The following PDE10A variants were observed in gnomAD, a reference collection of about 807,000 sequenced individuals.
PDE10A encodes the protein phosphodiesterase 10A.
Under a neutral mutation model 97.7 loss-of-function variants are expected in PDE10A, and 39 were observed. The observed-to-expected ratio is 0.40, with a 90% confidence interval of 0.31 to 0.52. The LOEUF (loss-of-function observed/expected upper bound fraction) is 0.52. Among genes scored for constraint, PDE10A ranks in the 20% least tolerant of loss-of-function variants. The probability of loss-of-function intolerance (pLI) is 0.56; values close to 1 mark genes in which losing one functional copy is unlikely to be tolerated. For synonymous variants in PDE10A, 371 were observed against 376.8 expected (o/e 0.98, Z 0.18); for missense variants, 731 against 1,047.8 (o/e 0.70, Z 4.17).
At chr6:165,635,416 C>T (rs945755697) in intron 1 of PDE10A, among the ~76,000 whole-genome samples, 2 of 152,170 alleles carry the variant, frequency 1.3e-5, no homozygotes, top group African/African-American at 4.8e-5. Flanking sequence ...AGTCTTGGCA[C>T]AGGCAAAATG....
intron 1 of PDE10A, among the ~76,000 whole-genome samples, chr6:165,569,206 T>A (rs1291310034): frequency 2.6e-5 from 4 of 152,208 alleles, no homozygotes; most frequent in African/African-American, 9.6e-5. Context: ...TGTGTCATCT[T>A]TACTTCACGT....
chr6:165,481,735 A>C (rs1354724476), intron 3 of PDE10A, among the ~76,000 whole-genome samples: 2 of 78,958 alleles, frequency 2.5e-5, no homozygotes, highest in Admixed American at 3.1e-4. Context: ...TAAGCTTGCT[A>C]AGACTCTTAA....
chr6:165,856,225 T>G (rs1780728315), intron 1 of PDE10A, among the ~76,000 whole-genome samples: 1 of 152,168 alleles, frequency 6.6e-6, no homozygotes, highest in Non-Finnish European at 1.5e-5. Context: ...AAATCCTTGT[T>G]TTCAAGCTCC....
chr6:165,435,409 T>G (rs1296870630), intron 5 of PDE10A, 32 bp from the exon 6 acceptor site: 1 of 1,601,510 alleles, frequency 6.2e-7, no homozygotes, highest in East Asian at 2.2e-5. Context: ...TTACAGACTT[T>G]CCTGTACATG....
In PDE10A at chr6:165,958,694, G is replaced by GAA. The variant is rs1554230987; in HGVS notation, c.-615+28834_-615+28835insTT. 2.3e-3 allele frequency among the ~76,000 whole-genome samples: 192 copies of GAA among 81,790 alleles called. 1 individual carries two copies. The highest frequency in any genetic ancestry group is 6.2e-3 in the African/African-American group (172 of 27,642). 53.7% of individuals were successfully genotyped at this position (81,790 alleles called of 152,430 possible). On this transcript the variant is annotated intron_variant, in intron 1 of 19. Coordinates refer to the PDE10A transcript ENST00000366882. ...GGAAAGAAGGAAGGAAAGAAAGAAA[G>GAA]AGAAAGAAAGAAAGAAAGAGAGAAG...
chr6:165,943,342 A>AAAAGAAAAGAAAG, intron 1 of PDE10A, among the ~76,000 whole-genome samples: 1 of 109,966 alleles, frequency 9.1e-6, no homozygotes, highest in Non-Finnish European at 1.8e-5. Flanking sequence ...AGAAAGAAAG[A>AAAAGAAAAGAAAG]AAAGAGAAAG....
At chr6:165,682,860 C>T (rs191397384) in intron 1 of PDE10A, among the ~76,000 whole-genome samples, 288 of 152,322 alleles carry the variant, frequency 1.9e-3, no homozygotes, top group Non-Finnish European at 2.7e-3. Flanking sequence ...TGTACATCCC[C>T]ACTTCCAGCA....
In PDE10A at chr6:165,330,972, C is replaced by T. The variant is rs928618311; in HGVS notation, c.*2053G>A. Reference sequence around the variant, plus strand: ...ATGATACACTAACACAAAAATGACACTTTCTTGTCAACTGTCAAGTGATAT... The same window carrying T: ...ATGATACACTAACACAAAAATGACATTTTCTTGTCAACTGTCAAGTGATAT... On this transcript the variant is annotated 3_prime_UTR_variant, in exon 22 of 22. Coordinates refer to ENST00000539869, the MANE Select transcript of PDE10A (RefSeq NM_001385079.1). 2 of 152,136 alleles carry T rather than the reference C, an allele frequency of 1.3e-5. No homozygotes were observed. The highest frequency in any genetic ancestry group is 6.5e-5 in the Admixed American group (1 of 15,274). The allele number at this position is 152,136 out of a possible 1,614,324, so 9.4% of individuals were successfully genotyped here. A position where few individuals can be genotyped will look rare whatever the true frequency, so the allele number is the denominator to read the frequency against.
chr6:165,555,872 T>C (rs1784226651), intron 1 of PDE10A, among the ~76,000 whole-genome samples: 1 of 152,116 alleles, frequency 6.6e-6, no homozygotes, highest in Non-Finnish European at 1.5e-5. Context: ...GAATGTGAAG[T>C]CAAAGACAAG....
At chr6:165,545,152 G>T in intron 1 of PDE10A, 1 of 493,590 alleles carries the variant, frequency 2.0e-6, no homozygotes, top group East Asian at 5.8e-5. Flanking sequence ...ATTTCTTTCT[G>T]CCACTCCCAT....
intron 1 of PDE10A, among the ~76,000 whole-genome samples, chr6:165,814,828 C>T (rs1487602230): frequency 3.9e-5 from 6 of 151,942 alleles, no homozygotes; most frequent in African/African-American, 7.3e-5. Flanking sequence ...CGTCACTCTG[C>T]GGCGTATGTC....
intron 13 of PDE10A, among the ~76,000 whole-genome samples, chr6:165,398,841 G>A (rs220789): frequency 0.75 from 113,752 of 152,098 alleles, 43,769 homozygotes; most frequent in African/African-American, 0.9. Flanking sequence ...ACACCTAAAC[G>A]TAAAATGTGA....
intron 1 of PDE10A, among the ~76,000 whole-genome samples, chr6:165,724,015 A>G (rs1792230106): frequency 6.6e-6 from 1 of 152,174 alleles, no homozygotes; most frequent in Non-Finnish European, 1.5e-5. Flanking sequence ...TCCAGTGTGC[A>G]CTACAGGCTT....
chr6:165,440,515 C>A lies in PDE10A; in HGVS notation c.1195-5138G>T, dbSNP rs138033774. On this transcript the variant is annotated intron_variant, in intron 5 of 21. Transcript: ENST00000539869. Reference sequence around the variant, plus strand: ...TATTACGGTGGAAAGAGCATAGCTGCTCTTTGTAGAAAGCACAGTAACTTT... The same window carrying A: ...TATTACGGTGGAAAGAGCATAGCTGATCTTTGTAGAAAGCACAGTAACTTT... 4.6e-5 allele frequency among the ~76,000 whole-genome samples: 7 copies of A among 152,290 alleles called. No homozygotes were observed. In the East Asian group the frequency reaches 1.4e-3, roughly 29 times the overall value.
At chr6:165,900,776 T>A (rs1294888790) in intron 1 of PDE10A, among the ~76,000 whole-genome samples, 1 of 152,206 alleles carries the variant, frequency 6.6e-6, no homozygotes, top group Non-Finnish European at 1.5e-5. Context: ...ATAATCAATC[T>A]ATAAAGGATA....
intron 1 of PDE10A, among the ~76,000 whole-genome samples, chr6:165,713,723 T>C (rs1791959675): frequency 6.6e-6 from 1 of 152,218 alleles, no homozygotes; most frequent in Non-Finnish European, 1.5e-5. Flanking sequence ...GTGTAGTGTG[T>C]CTGAGTGTAA....
chr6:165,334,274 GCGCC>G (rs1781505513), intron 21 of PDE10A, among the ~76,000 whole-genome samples: 1 of 152,194 alleles, frequency 6.6e-6, no homozygotes, highest in African/African-American at 2.4e-5. Flanking sequence ...CACCTCCATA[GCGCC>G]CTACAGCGCC....
chr6:165,825,310 C>T (rs1312258518), intron 1 of PDE10A, among the ~76,000 whole-genome samples: 1 of 152,056 alleles, frequency 6.6e-6, no homozygotes, highest in Non-Finnish European at 1.5e-5. Context: ...CCTGTGGTGG[C>T]CAAGTGGGTC....
chr6:165,684,933 G>T (rs897809834), intron 1 of PDE10A, among the ~76,000 whole-genome samples: 1 of 152,196 alleles, frequency 6.6e-6, no homozygotes. Flanking sequence ...GTGAGACGTC[G>T]ACTTGACTTC....
Sources: gnomAD v4.1 joint callset for allele counts (sites outside exome capture counted in the v4.1 genomes callset) on GRCh38, gnomAD v4.1.1 for gene constraint, MANE v1.5 for transcripts, NCBI Gene and HGNC (gene_info 2026-07-23, HGNC 2026-07-21) for gene names.